The following DAB1 variants were observed in gnomAD, a reference collection of about 807,000 sequenced individuals.
DAB1 encodes disabled homolog 1.
DAB1 carries 15 observed loss-of-function variants against 64.6 expected under a neutral mutation model. That is an observed-to-expected ratio of 0.23 (90% CI 0.16 to 0.36). The LOEUF (loss-of-function observed/expected upper bound fraction) is 0.36, where lower values mean the gene tolerates loss of function less well. Among genes scored for constraint, DAB1 ranks in the 10% least tolerant of loss-of-function variants. DAB1 has a pLI of 1.00. For missense variants in DAB1, 596 were observed against 706.7 expected, an observed-to-expected ratio of 0.84 and a Z score of 1.78; for synonymous variants, 235 against 251.9, an observed-to-expected ratio of 0.93 and a Z score of 0.64.
At chr1:57,667,479 T>C (rs1259154477) in intron 6 of DAB1, among the ~76,000 whole-genome samples, 1 of 152,104 alleles carries the variant, frequency 6.6e-6, no homozygotes, top group Non-Finnish European at 1.5e-5. Flanking sequence ...ATCCCTACTA[T>C]AATGAAACCT....
chr1:58,177,228 C>T (rs938337545), intron 4 of DAB1, among the ~76,000 whole-genome samples: 1 of 152,162 alleles, frequency 6.6e-6, no homozygotes, highest in African/African-American at 2.4e-5. Context: ...ACTCTACCTG[C>T]ACCAGAGCTG....
chr1:57,324,294 G>A (rs141346484), intron 1 of DAB1, among the ~76,000 whole-genome samples: 9 of 152,236 alleles, frequency 5.9e-5, no homozygotes, highest in African/African-American at 1.4e-4. Flanking sequence ...GCAGTTAATC[G>A]TTCACATTTT....
chr1:57,606,465 A>T (rs1270520723), intron 7 of DAB1, among the ~76,000 whole-genome samples: 1 of 119,024 alleles, frequency 8.4e-6, no homozygotes, highest in Non-Finnish European at 1.7e-5. Context: ...GAAATATATA[A>T]TACATATGAA....
Position 58,386,022 on chromosome 1 carries a change from T to C in DAB1, n.258-42619A>G, listed in dbSNP as rs75332883. ...CTTCACACCCAAAAAGCATGTTTTATAGCACGTTAGCTCTACCTATCTAAG... is the reference window on the plus strand; with the variant it reads ...CTTCACACCCAAAAAGCATGTTTTACAGCACGTTAGCTCTACCTATCTAAG... On this transcript the variant is annotated intron_variant and non_coding_transcript_variant, in intron 3 of 20. Coordinates refer to the DAB1 transcript ENST00000485760. 4.1e-3 allele frequency among the ~76,000 whole-genome samples: 630 copies of C among 152,288 alleles called. 3 individuals are homozygous for C. The highest frequency in any genetic ancestry group is 0.014 in the African/African-American group (600 of 41,566).
intron 2 of DAB1, among the ~76,000 whole-genome samples, chr1:57,193,479 C>A (rs1252948211): frequency 6.7e-6 from 1 of 149,484 alleles, no homozygotes; most frequent in Admixed American, 6.7e-5. Flanking sequence ...CTCCACCTCC[C>A]GGGTTCACGC....
intron 3 of DAB1, among the ~76,000 whole-genome samples, chr1:57,143,422 T>C (rs1012303601): frequency 6.6e-6 from 1 of 152,186 alleles, no homozygotes; most frequent in African/African-American, 2.4e-5. Context: ...ACCCTAAAAT[T>C]GTATAACATT....
intron 11 of DAB1, among the ~76,000 whole-genome samples, chr1:57,020,077 T>C (rs1168516605): frequency 6.6e-6 from 1 of 152,120 alleles, no homozygotes; most frequent in Non-Finnish European, 1.5e-5. Flanking sequence ...TGCTTTAGTG[T>C]GTGGAGACAA....
intron 5 of DAB1, among the ~76,000 whole-genome samples, chr1:58,004,250 C>A (rs1041413385): frequency 6.6e-6 from 1 of 152,190 alleles, no homozygotes; most frequent in African/African-American, 2.4e-5. Context: ...ACATGTTATA[C>A]AAATATATAT....
At chr1:58,191,628 G>A (rs573714048) in intron 4 of DAB1, among the ~76,000 whole-genome samples, 1 of 152,242 alleles carries the variant, frequency 6.6e-6, no homozygotes, top group East Asian at 1.9e-4. Flanking sequence ...CTTTGCAATC[G>A]AGGGGCCACT....
intron 1 of DAB1, among the ~76,000 whole-genome samples, chr1:57,367,514 G>T (rs562151557): frequency 1.6e-4 from 25 of 152,266 alleles, no homozygotes; most frequent in African/African-American, 6.0e-4. Flanking sequence ...CTTGCAGTAA[G>T]AATCAATCAG....
intron 3 of DAB1, among the ~76,000 whole-genome samples, chr1:58,373,028 A>G (rs1644281953): frequency 6.6e-6 from 1 of 152,158 alleles, no homozygotes. Flanking sequence ...AAATGTTAAT[A>G]ATTCTTAATT....
chr1:58,087,029 T>C (rs1650360525), intron 5 of DAB1, among the ~76,000 whole-genome samples: 1 of 152,174 alleles, frequency 6.6e-6, no homozygotes, highest in Non-Finnish European at 1.5e-5. Context: ...GTTCAAATTC[T>C]GGCTCACTCA....
intron 7 of DAB1, among the ~76,000 whole-genome samples, chr1:57,591,644 G>A (rs924970291): frequency 5.3e-5 from 8 of 152,300 alleles, no homozygotes; most frequent in African/African-American, 1.9e-4. Context: ...TGTAAAATGG[G>A]GTTGATAATA....
At chr1:57,605,889 A>G in intron 7 of DAB1, 1 of 657,818 alleles carries the variant, frequency 1.5e-6, no homozygotes, top group Non-Finnish European at 2.9e-6. Context: ...CTCCTAGCTC[A>G]GTACTGATGG....
chr1:57,480,144 T>C (rs866906650), intron 7 of DAB1, among the ~76,000 whole-genome samples: 15 of 128,794 alleles, frequency 1.2e-4, no homozygotes, highest in South Asian at 2.5e-4. Flanking sequence ...AGAGCGAAAC[T>C]CCGTCTCAAA....
intron 1 of DAB1, among the ~76,000 whole-genome samples, chr1:57,854,377 G>A (rs1445138228): frequency 6.6e-6 from 1 of 152,174 alleles, no homozygotes; most frequent in African/African-American, 2.4e-5. Context: ...GCAGAAAGGG[G>A]GAGTGTGAAT....
At chr1:58,356,733 A>G (rs746977402) in intron 3 of DAB1, among the ~76,000 whole-genome samples, 2 of 152,048 alleles carry the variant, frequency 1.3e-5, no homozygotes, top group Admixed American at 1.3e-4. Flanking sequence ...TCCCCTAAAG[A>G]TATTTGGCTG....
chr1:57,025,101 G>A (rs983498380), intron 10 of DAB1, among the ~76,000 whole-genome samples: 2 of 152,216 alleles, frequency 1.3e-5, no homozygotes, highest in Non-Finnish European at 2.9e-5. Context: ...GCCCAGAGGA[G>A]CTGTCCCCTC....
intron 2 of DAB1, among the ~76,000 whole-genome samples, chr1:57,255,050 T>G (rs917142669): frequency 6.6e-6 from 1 of 152,198 alleles, no homozygotes. Flanking sequence ...AAACAGTGCC[T>G]GACAAATAGT....
Sources: allele counts gnomAD v4.1 joint callset (sites outside exome capture counted in the v4.1 genomes callset), GRCh38; gene constraint gnomAD v4.1.1; transcripts MANE v1.5; gene names NCBI Gene and HGNC (gene_info 2026-07-23, HGNC 2026-07-21).